SP4: variants seen among roughly 807,000 people sequenced by gnomAD.
SP4 encodes the protein Sp4 transcription factor.
Under a neutral mutation model 72.8 loss-of-function variants are expected in SP4, and 19 were observed. That is an observed-to-expected ratio of 0.26 (90% CI 0.18 to 0.38). SP4 has a LOEUF of 0.38. Ranked by LOEUF, SP4 falls within the 10% of genes least tolerant of loss-of-function variation. SP4 has a pLI of 1.00. For synonymous variants in SP4, 395 were observed against 333.1 expected, an observed-to-expected ratio of 1.19 and a Z score of -2.02; for missense variants, 1,008 against 926.3, an observed-to-expected ratio of 1.09 and a Z score of -1.14.
At chr7:21,434,436 C>T (rs1375698635) in intron 3 of SP4, among the ~76,000 whole-genome samples, 3 of 152,162 alleles carry the variant, frequency 2.0e-5, no homozygotes, top group African/African-American at 7.2e-5. Flanking sequence ...ATCCTCTTCC[C>T]ATTAACAACG....
intron 5 of SP4, among the ~76,000 whole-genome samples, chr7:21,491,962 C>A (rs190249460): frequency 1.4e-4 from 21 of 152,226 alleles, no homozygotes; most frequent in African/African-American, 3.9e-4. Context: ...AAAAATAAAT[C>A]GTCTTTTCTG....
At chr7:21,433,152 C>G (rs565582885) in intron 3 of SP4, among the ~76,000 whole-genome samples, 9 of 152,246 alleles carry the variant, frequency 5.9e-5, no homozygotes, top group African/African-American at 1.9e-4. Context: ...TTTTATTTCA[C>G]AAGTGTGTAT....
At chr7:21,477,799 C>G (rs940000376) in intron 4 of SP4, among the ~76,000 whole-genome samples, 1 of 152,200 alleles carries the variant, frequency 6.6e-6, no homozygotes, top group Admixed American at 6.5e-5. Flanking sequence ...CCTCAGCCCC[C>G]CAAGTGCTGG....
chr7:21,488,151 C>T (rs551271135), intron 5 of SP4, among the ~76,000 whole-genome samples: 1 of 152,276 alleles, frequency 6.6e-6, no homozygotes, highest in South Asian at 2.1e-4. Context: ...AGGTGTGAGC[C>T]ACTGCCTCTG....
At chr7:21,489,460 TG>T (rs1286819274) in intron 5 of SP4, among the ~76,000 whole-genome samples, 1 of 150,016 alleles carries the variant, frequency 6.7e-6, no homozygotes, top group Non-Finnish European at 1.5e-5. Context: ...AGCTGGGACT[TG>T]CAGGCCTACA....
At chr7:21,444,696 A>G (rs1311352528) in intron 3 of SP4, among the ~76,000 whole-genome samples, 2 of 152,142 alleles carry the variant, frequency 1.3e-5, no homozygotes, top group African/African-American at 2.4e-5. Context: ...TCACAATCCT[A>G]TGAAGAAGGT....
At chr7:21,457,672 A>C (rs1783808674) in intron 3 of SP4, among the ~76,000 whole-genome samples, 1 of 152,200 alleles carries the variant, frequency 6.6e-6, no homozygotes, top group Non-Finnish European at 1.5e-5. Flanking sequence ...TTTTCAAAGA[A>C]ACCAACAACA....
intron 3 of SP4, among the ~76,000 whole-genome samples, chr7:21,463,334 G>A (rs1784056649): frequency 6.6e-6 from 1 of 152,186 alleles, no homozygotes; most frequent in South Asian, 2.1e-4. Context: ...TATGTACATT[G>A]CCAGCATAGG....
At chr7:21,446,749 T>TA (rs1266766065) in intron 3 of SP4, among the ~76,000 whole-genome samples, 1 of 152,166 alleles carries the variant, frequency 6.6e-6, no homozygotes, top group African/African-American at 2.4e-5. Flanking sequence ...TTGCTAGTTT[T>TA]AAAATCAAAT....
At chr7:21,509,248 T>C (rs1226687152) in intron 5 of SP4, among the ~76,000 whole-genome samples, 1 of 152,176 alleles carries the variant, frequency 6.6e-6, no homozygotes, top group Non-Finnish European at 1.5e-5. Context: ...TTTTTATTCC[T>C]GGTTTGCCAA....
chr7:21,504,902 G>A (rs1009403630), intron 5 of SP4, among the ~76,000 whole-genome samples: 1 of 152,144 alleles, frequency 6.6e-6, no homozygotes, highest in African/African-American at 2.4e-5. Flanking sequence ...AAGCTTGGAG[G>A]CAAAAGCAAC....
chr7:21,431,403 ATTGT>A (rs1386326935), intron 3 of SP4, among the ~76,000 whole-genome samples: 3 of 152,162 alleles, frequency 2.0e-5, no homozygotes, highest in Admixed American at 6.5e-5. Context: ...TAAGTTGTAA[ATTGT>A]TTGGTTAACT....
intron 5 of SP4, among the ~76,000 whole-genome samples, chr7:21,486,714 G>C (rs1302395905): frequency 6.6e-6 from 1 of 152,130 alleles, no homozygotes; most frequent in Non-Finnish European, 1.5e-5. Context: ...GGTTAATGTA[G>C]GGTGTGCCAC....
chr7:21,467,418 G>T (rs1355739841), intron 3 of SP4, among the ~76,000 whole-genome samples: 1 of 151,872 alleles, frequency 6.6e-6, no homozygotes, highest in African/African-American at 2.4e-5. Flanking sequence ...ATGGCTTTTG[G>T]TATATTGATA....
intron 5 of SP4, among the ~76,000 whole-genome samples, chr7:21,501,742 C>T (rs960217056): frequency 4.6e-5 from 7 of 152,142 alleles, no homozygotes; most frequent in Non-Finnish European, 7.3e-5. Context: ...TTCTGATGGT[C>T]CCATCTGGGG....
chr7:21,453,040 A>G (rs1783649467), intron 3 of SP4, among the ~76,000 whole-genome samples: 1 of 152,140 alleles, frequency 6.6e-6, no homozygotes. Flanking sequence ...GGCCTCCCAA[A>G]GAGCTGGGAT....
At chr7:21,444,550 AC>A (rs140709926) in intron 3 of SP4, among the ~76,000 whole-genome samples, 1,725 of 152,248 alleles carry the variant, frequency 0.011, 15 homozygotes, top group South Asian at 0.033. Context: ...TTGTACTATT[AC>A]CACTTACTGC....
At chr7:21,490,534 G>GT (rs1784948479) in intron 5 of SP4, among the ~76,000 whole-genome samples, 1 of 152,218 alleles carries the variant, frequency 6.6e-6, no homozygotes, top group African/African-American at 2.4e-5. Flanking sequence ...CAGTCGTGGT[G>GT]TAAGTGCAGA....
chr7:21,439,353 G>A (rs1055603328), intron 3 of SP4, among the ~76,000 whole-genome samples: 2 of 151,858 alleles, frequency 1.3e-5, no homozygotes, highest in Admixed American at 6.6e-5. Context: ...TCTTTTATTT[G>A]TATAAATTTG....
Sources: allele counts gnomAD v4.1 joint callset (sites outside exome capture counted in the v4.1 genomes callset), GRCh38; gene constraint gnomAD v4.1.1; transcripts MANE v1.5; gene names NCBI Gene and HGNC (gene_info 2026-07-23, HGNC 2026-07-21).